PTK2B: variants seen among roughly 807,000 people sequenced by gnomAD.
The protein encoded by PTK2B is protein-tyrosine kinase 2-beta.
A neutral mutation model predicts 142.9 loss-of-function variants in PTK2B; 71 were observed. That is an observed-to-expected ratio of 0.50 (90% CI 0.41 to 0.61). The LOEUF (loss-of-function observed/expected upper bound fraction) is 0.61. Among genes scored for constraint, PTK2B ranks in the 20% least tolerant of loss-of-function variants. PTK2B has a pLI of 0.00. For synonymous variants in PTK2B, 519 were observed against 503.4 expected, an observed-to-expected ratio of 1.03 and a Z score of -0.42; for missense variants, 1,105 against 1,320.4, an observed-to-expected ratio of 0.84 and a Z score of 2.53.
intron 24 of PTK2B, among the ~76,000 whole-genome samples, chr8:27,448,451 G>T (rs986276037): frequency 6.6e-6 from 1 of 152,154 alleles, no homozygotes; most frequent in African/African-American, 2.4e-5. Flanking sequence ...CCATTTTTTT[G>T]AGTGTTCATT....
rs1046199364 is a variant in PTK2B at position 27,433,611 on chromosome 8, C to T, written c.1105+59C>T. On this transcript the variant is annotated intron_variant, in intron 11 of 30. Transcript: ENST00000346049. The stretch of plus-strand genomic sequence containing the variant: ...ACGGGTGGCAGCACACCCGAGTCCC[C>T]AGAGGCGGAGTGGCAGAAGCTAAGC... 26 of 1,433,388 alleles carry T rather than the reference C, an allele frequency of 1.8e-5. No individual in the cohort carries two copies. In the East Asian group the frequency reaches 5.9e-4, roughly 33 times the overall value. The allele number at this position is 1,433,388 out of a possible 1,614,324, so 88.8% of individuals were successfully genotyped here. A position where few individuals can be genotyped will look rare whatever the true frequency, so the allele number is the denominator to read the frequency against.
intron 1 of PTK2B, among the ~76,000 whole-genome samples, chr8:27,385,657 C>T (rs527286984): frequency 3.0e-4 from 45 of 152,168 alleles, no homozygotes; most frequent in Non-Finnish European, 5.4e-4. Context: ...CTTTGAGAGG[C>T]TGAGGTGGGC....
intron 24 of PTK2B, among the ~76,000 whole-genome samples, chr8:27,448,006 C>T (rs1811574406): frequency 1.3e-5 from 2 of 152,340 alleles, no homozygotes; most frequent in South Asian, 4.1e-4. Context: ...ACCAGGTGCA[C>T]ACTTACCTGT....
intron 26 of PTK2B, 69 bp downstream of exon 26, chr8:27,451,147 C>G: frequency 6.5e-7 from 1 of 1,543,008 alleles, no homozygotes; most frequent in South Asian, 1.1e-5. Flanking sequence ...CATAGGACCC[C>G]CCGCCCAACT....
Position 27,459,237 on chromosome 8 carries a change from T to G in PTK2B, c.*728T>G, listed in dbSNP as rs1332520631. On this transcript the variant is annotated 3_prime_UTR_variant, in exon 31 of 31. Coordinates refer to ENST00000346049, the MANE Select transcript of PTK2B (RefSeq NM_173176.3). ...CCTCTTTCTCTTTCTTCCTTTACTT[T>G]CCCTTGCTTTTCCCTCTTTTCTTAC... 2 of 233,792 alleles carry G rather than the reference T, an allele frequency of 8.6e-6. No individual in the cohort carries two copies. The highest frequency in any genetic ancestry group is 1.2e-3 in the Middle Eastern group (1 of 808). 14.5% of individuals were successfully genotyped at this position (233,792 alleles called of 1,614,324 possible). A position where few individuals can be genotyped will look rare whatever the true frequency, so the allele number is the denominator to read the frequency against.
chr8:27,316,151 C>T (rs1003290186), intron 3 of PTK2B, among the ~76,000 whole-genome samples: 1 of 152,206 alleles, frequency 6.6e-6, no homozygotes, highest in African/African-American at 2.4e-5. Flanking sequence ...TTTCCTGCAT[C>T]CCACCTCCCA....
chr8:27,438,658 T>C (rs1363822455), intron 18 of PTK2B, among the ~76,000 whole-genome samples: 2 of 152,192 alleles, frequency 1.3e-5, no homozygotes, highest in Non-Finnish European at 2.9e-5. Context: ...ACAGCCTCCC[T>C]GGCATGGGGG....
At chr8:27,366,853 T>G (rs1221657970) in intron 1 of PTK2B, among the ~76,000 whole-genome samples, 2 of 145,056 alleles carry the variant, frequency 1.4e-5, no homozygotes, top group African/African-American at 5.2e-5. Context: ...CAGGGGAGGG[T>G]GCAGAGGAGA....
chr8:27,400,944 G>A lies in PTK2B; in HGVS notation c.204+3156G>A, dbSNP rs954605424. Among the ~76,000 whole-genome samples the A allele has an allele frequency of 1.0e-3, 156 of 152,056 alleles. 1 individual carries two copies. In the Middle Eastern group the frequency reaches 0.017, roughly 17 times the overall value. ...AGATCCAGCACGAGGTCAGGCGTTC[G>A]AGACCAGCCTGGCCAACATAGTGAA... On this transcript the variant is annotated intron_variant, in intron 2 of 30. Coordinates refer to ENST00000346049, the MANE Select transcript of PTK2B (RefSeq NM_173176.3).
intron 2 of PTK2B, among the ~76,000 whole-genome samples, chr8:27,414,609 T>TGTGTGTGTGTGTGTATGTGTGTGTGTTA (rs1554500893): frequency 1.2e-4 from 3 of 24,662 alleles, no homozygotes; most frequent in African/African-American, 3.6e-4. Context: ...TCTCTCTCTG[T>TGTGTGTGTGTGTGTATGTGTGTGTGTTA]GTGTGTGTGT....
At chr8:27,334,015 CCA>C (rs1049916296) in intron 1 of PTK2B, among the ~76,000 whole-genome samples, 6 of 152,054 alleles carry the variant, frequency 3.9e-5, no homozygotes, top group African/African-American at 1.4e-4. Flanking sequence ...TGTTCATCTC[CCA>C]CACACTCAGG....
intron 1 of PTK2B, among the ~76,000 whole-genome samples, chr8:27,395,700 G>GGA (rs1808004385): frequency 6.6e-6 from 1 of 152,178 alleles, no homozygotes; most frequent in Non-Finnish European, 1.5e-5. Flanking sequence ...TCTGGGTGGG[G>GGA]TCCATTCTTT....
chr8:27,327,320 G>A (rs1381482416), intron 1 of PTK2B, among the ~76,000 whole-genome samples: 1 of 152,164 alleles, frequency 6.6e-6, no homozygotes, highest in African/African-American at 2.4e-5. Flanking sequence ...CTGGAGCCAG[G>A]CAGGAGACTT....
chr8:27,451,193 A>G (rs1355346833), intron 26 of PTK2B, 115 bp downstream of exon 26: 3 of 1,229,154 alleles, frequency 2.4e-6, no homozygotes, highest in Non-Finnish European at 3.5e-6. Context: ...CTCCTCCTCA[A>G]TGGCTTTCCA....
chr8:27,380,750 G>A (rs1159311289), intron 1 of PTK2B: 4 of 152,216 alleles, frequency 2.6e-5, no homozygotes, highest in Admixed American at 2.6e-4. Context: ...TGCAGCCTGG[G>A]AACTGGGAGA....
At chr8:27,358,076 A>G (rs997180270) in intron 1 of PTK2B, among the ~76,000 whole-genome samples, 11 of 152,196 alleles carry the variant, frequency 7.2e-5, no homozygotes, top group African/African-American at 2.7e-4. Context: ...TCTTAGCACA[A>G]TGTCTTAAAC....
At chr8:27,422,258 G>A (rs755431875) in intron 4 of PTK2B, 46 bp from the exon 5 acceptor site, 6 of 1,571,070 alleles carry the variant, frequency 3.8e-6, no homozygotes, top group Non-Finnish European at 5.2e-6. Context: ...GCAGGGAAGT[G>A]GGAGGTGAGG....
chr8:27,452,670 C>T (rs1480356125), intron 27 of PTK2B: 1 of 174,678 alleles, frequency 5.7e-6, no homozygotes, highest in Non-Finnish European at 1.2e-5. Context: ...TTCCTTCAGC[C>T]CCAAACACTC....
At chr8:27,372,604 T>A (rs1472201518) in intron 1 of PTK2B, among the ~76,000 whole-genome samples, 1 of 152,186 alleles carries the variant, frequency 6.6e-6, no homozygotes, top group Non-Finnish European at 1.5e-5. Context: ...TCACCCAGAA[T>A]AATGTTCAAC....
Sources: allele counts gnomAD v4.1 joint callset (sites outside exome capture counted in the v4.1 genomes callset), GRCh38; gene constraint gnomAD v4.1.1; transcripts MANE v1.5; gene names NCBI Gene and HGNC (gene_info 2026-07-23, HGNC 2026-07-21).